JAKMIP1: variants seen among roughly 807,000 people sequenced by gnomAD.
JAKMIP1 encodes janus kinase and microtubule interacting protein 1.
Under a neutral mutation model 113.0 loss-of-function variants are expected in JAKMIP1, and 33 were observed. The ratio of observed to expected loss-of-function variants is 0.29; its 90% CI spans 0.22 to 0.39. JAKMIP1 has a LOEUF of 0.39. JAKMIP1 is among the 10% of genes least tolerant of loss of function. The pLI, the probability that JAKMIP1 is intolerant of heterozygous loss-of-function variation, is 1.00. For missense variants in JAKMIP1, 813 were observed against 1,080.5 expected (o/e 0.75, Z 3.47); for synonymous variants, 480 against 459.9 (o/e 1.04, Z -0.56).
At chr4:6,112,346 G>C (rs1715073895) in intron 2 of JAKMIP1, among the ~76,000 whole-genome samples, 1 of 152,172 alleles carries the variant, frequency 6.6e-6, no homozygotes, top group Non-Finnish European at 1.5e-5. Flanking sequence ...AATGCTGTCT[G>C]ACCACATGCA....
intron 1 of JAKMIP1, among the ~76,000 whole-genome samples, chr4:6,189,517 T>A (rs1727009028): frequency 6.6e-6 from 1 of 152,196 alleles, no homozygotes; most frequent in South Asian, 2.1e-4. Context: ...CTCCCAACAC[T>A]GACATTATGG....
intron 3 of JAKMIP1, among the ~76,000 whole-genome samples, chr4:6,090,403 C>T (rs1009850704): frequency 1.3e-5 from 2 of 152,110 alleles, no homozygotes; most frequent in Non-Finnish European, 2.9e-5. Context: ...GGGAGCATGG[C>T]CCAGCTGATA....
intron 1 of JAKMIP1, among the ~76,000 whole-genome samples, chr4:6,124,658 T>C (rs1301096901): frequency 6.6e-6 from 1 of 152,180 alleles, no homozygotes; most frequent in Admixed American, 6.5e-5. Context: ...AAAGTGTCCA[T>C]GGCTACAGCA....
At chr4:6,090,575 G>A (rs6820579) in intron 3 of JAKMIP1, among the ~76,000 whole-genome samples, 1 of 152,168 alleles carries the variant, frequency 6.6e-6, no homozygotes, top group African/African-American at 2.4e-5. Flanking sequence ...ATGGGCTCCA[G>A]GATCACTTTA....
At chr4:6,182,835 C>T (rs368090242) in intron 1 of JAKMIP1, among the ~76,000 whole-genome samples, 44 of 152,302 alleles carry the variant, frequency 2.9e-4, no homozygotes, top group African/African-American at 1.0e-3. Context: ...TACAACTGCT[C>T]CTTTCCCCAA....
Position 6,142,086 on chromosome 4 carries a change from C to A in JAKMIP1, c.-147-29089G>T, listed in dbSNP as rs1200990562. Among the ~76,000 whole-genome samples the A allele has an allele frequency of 7.0e-6, 1 of 143,160 alleles. No individual in the cohort carries two copies. The highest frequency in any genetic ancestry group is 1.5e-5 in the Non-Finnish European group (1 of 66,292). The allele number at this position is 143,160 out of a possible 152,430, so 93.9% of individuals were successfully genotyped here. A position where few individuals can be genotyped will look rare whatever the true frequency, so the allele number is the denominator to read the frequency against. ...AGTTTTTACTTAAACTCATGTCTAT[C>A]AGTCATTTTCTAGCTTGTCTTTTCC... On this transcript the variant is annotated intron_variant, in intron 1 of 20. Coordinates refer to ENST00000409021, the MANE Select transcript of JAKMIP1 (RefSeq NM_001099433.2). This position sits in a 1 kb window ranked among gnomAD's most constrained non-coding sequence, Gnocchi z 5.5.
At position 6,143,131 on chromosome 4, in the gene JAKMIP1, G is replaced by A. The variant is rs1720394904; in HGVS notation, c.-147-30134C>T. Among the ~76,000 whole-genome samples, 1 of 152,206 alleles carries A rather than the reference G, an allele frequency of 6.6e-6. No individual in the cohort carries two copies. On this transcript the variant is annotated intron_variant, in intron 1 of 20. Transcript: ENST00000409021. This position sits in a 1 kb window ranked among gnomAD's most constrained non-coding sequence, Gnocchi z 4.9. ...TGAGCCTCTGCCACCCACCTATTAA[G>A]CAGAAAGCAGCACAGCTCTCCCCTG...
intron 2 of JAKMIP1, among the ~76,000 whole-genome samples, chr4:6,109,308 T>A (rs1714505163): frequency 6.6e-6 from 1 of 151,900 alleles, no homozygotes; most frequent in Admixed American, 6.6e-5. Flanking sequence ...AATTTTTTTA[T>A]ATTTTTAGTA....
rs1334546516 is a variant in JAKMIP1, at chr4:6,192,276, C to T, written c.-148+7977G>A. On this transcript the variant is annotated intron_variant, in intron 1 of 20. Transcript: ENST00000409021. The surrounding 1 kb of genome is among the most constrained non-coding windows in gnomAD (Gnocchi z 5.0). ...ACAGTCCATCTCAGTCCACAGGAGC[C>T]GCATTGCAGTGCTCAATAGCCCCTA... is the stretch of plus-strand genomic sequence containing the variant. Among the ~76,000 whole-genome samples, 3 of 152,110 alleles carry T rather than the reference C, an allele frequency of 2.0e-5. No homozygotes were observed. Among genetic ancestry groups the T allele is most frequent in the Non-Finnish European group, 2.9e-5 (2 of 68,032 alleles).
In JAKMIP1 at chr4:6,185,918, A is replaced by G. The variant is rs1726607271; in HGVS notation, c.-148+14335T>C. On this transcript the variant is annotated intron_variant, in intron 1 of 20. Coordinates refer to ENST00000409021, the MANE Select transcript of JAKMIP1 (RefSeq NM_001099433.2). The surrounding 1 kb of genome is among the most constrained non-coding windows in gnomAD (Gnocchi z 5.3). ...CATTGAGAAAATATTTATAGACTAC[A>G]ATTAAATATGACACTAGTTCAGACT... 6.6e-6 allele frequency among the ~76,000 whole-genome samples: 1 copy of G among 152,222 alleles called. No homozygotes were observed. Among genetic ancestry groups the G allele is most frequent in the Non-Finnish European group, 1.5e-5 (1 of 68,042 alleles).
chr4:6,118,480 G>C (rs1315254526), intron 1 of JAKMIP1, among the ~76,000 whole-genome samples: 1 of 152,160 alleles, frequency 6.6e-6, no homozygotes, highest in African/African-American at 2.4e-5. Context: ...AGATATTTCA[G>C]TTCTGGAGCC....
chr4:6,091,586 G>A (rs1018048664), intron 3 of JAKMIP1, among the ~76,000 whole-genome samples: 2 of 152,106 alleles, frequency 1.3e-5, no homozygotes, highest in African/African-American at 4.8e-5. Context: ...AAACAAATGG[G>A]GAGCCCAGAA....
Position 6,157,461 on chromosome 4 carries a change from T to A in JAKMIP1, c.-148+42792A>T, listed in dbSNP as rs1173198509. On this transcript the variant is annotated intron_variant, in intron 1 of 20. Transcript: ENST00000409021. The surrounding 1 kb of genome is among the most constrained non-coding windows in gnomAD (Gnocchi z 4.7). ...TTGTGATATTTAGGAAGCTACAAATTATAGATATAAGAATCTTCAAATTTT... is the reference window on the plus strand; with the variant it reads ...TTGTGATATTTAGGAAGCTACAAATAATAGATATAAGAATCTTCAAATTTT... 6.6e-6 allele frequency among the ~76,000 whole-genome samples: 1 copy of A among 152,178 alleles called. No individual in the cohort carries two copies. Among genetic ancestry groups the A allele is most frequent in the Non-Finnish European group, 1.5e-5 (1 of 68,024 alleles).
Position 6,065,699 on chromosome 4 carries a change from C to T in JAKMIP1, c.1303-691G>A, listed in dbSNP as rs998513031. Among the ~76,000 whole-genome samples the T allele has an allele frequency of 6.6e-6, 1 of 152,234 alleles. No homozygotes were observed. Among genetic ancestry groups the T allele is most frequent in the African/African-American group, 2.4e-5 (1 of 41,464 alleles). ...ACCTTCACACGACCATCACTCAGAT[C>T]CAGAGGCAAATTGTAAGGCTCTATG... is the stretch of plus-strand genomic sequence containing the variant. On this transcript the variant is annotated intron_variant, in intron 8 of 20. Coordinates refer to ENST00000409021, the MANE Select transcript of JAKMIP1 (RefSeq NM_001099433.2). The surrounding 1 kb of genome is among the most constrained non-coding windows in gnomAD (Gnocchi z 5.1).
rs770264907 is a variant in JAKMIP1, at chr4:6,094,419, G to A, written c.625-8790C>T. The stretch of plus-strand genomic sequence containing the variant: ...TCCTACCCAACTGACAGGAGGAATC[G>A]TGCTAAGAAAACAGCCTGGCCCCAG... On this transcript the variant is annotated intron_variant, in intron 3 of 20. Coordinates refer to ENST00000409021, the MANE Select transcript of JAKMIP1 (RefSeq NM_001099433.2). This position sits in a 1 kb window ranked among gnomAD's most constrained non-coding sequence, Gnocchi z 4.2. Among the ~76,000 whole-genome samples the A allele has an allele frequency of 1.3e-5, 2 of 152,158 alleles. No individual in the cohort carries two copies. The highest frequency in any genetic ancestry group is 2.1e-4 in the South Asian group (1 of 4,816).
At chr4:6,149,043 C>A (rs757810948) in intron 1 of JAKMIP1, among the ~76,000 whole-genome samples, 3 of 152,036 alleles carry the variant, frequency 2.0e-5, no homozygotes, top group Admixed American at 1.3e-4. Context: ...TCCAAGAGGC[C>A]GTGTAACCCG....
chr4:6,160,053 G>A (rs1722723705), intron 1 of JAKMIP1, among the ~76,000 whole-genome samples: 1 of 152,112 alleles, frequency 6.6e-6, no homozygotes, highest in African/African-American at 2.4e-5. Context: ...AAGGGAATCA[G>A]GCTGTTTGAA....
intron 19 of JAKMIP1, 138 bp from the exon 20 acceptor site, chr4:6,029,919 T>G: frequency 1.5e-6 from 1 of 658,840 alleles, no homozygotes; most frequent in Non-Finnish European, 2.7e-6. Context: ...CTCTGATACA[T>G]GCACAAGCCC....
At chr4:6,104,979 T>C (rs1713659114) in intron 3 of JAKMIP1, among the ~76,000 whole-genome samples, 1 of 152,236 alleles carries the variant, frequency 6.6e-6, no homozygotes, top group Non-Finnish European at 1.5e-5. Context: ...AGCTGGCAAT[T>C]AGGCCGCCCA....
Sources: gnomAD v4.1 joint callset for allele counts (sites outside exome capture counted in the v4.1 genomes callset) on GRCh38, gnomAD v4.1.1 for gene constraint, Gnocchi (gnomAD v3.1) non-coding constraint, MANE v1.5 for transcripts, NCBI Gene and HGNC (gene_info 2026-07-23, HGNC 2026-07-21) for gene names.